The following ADCY3 variants were observed in gnomAD, a reference collection of about 807,000 sequenced individuals.
The protein encoded by ADCY3 is adenylate cyclase type 3.
A neutral mutation model predicts 119.4 loss-of-function variants in ADCY3; 70 were observed. The observed-to-expected ratio is 0.59, with a 90% CI of 0.48 to 0.72. The LOEUF is 0.72. Ranked by LOEUF, ADCY3 falls within the 30% of genes least tolerant of loss-of-function variation. ADCY3 has a pLI of 0.00. For synonymous variants in ADCY3, 672 were observed against 621.4 expected, an observed-to-expected ratio of 1.08 and a Z score of -1.21; for missense variants, 1,238 against 1,541.6, an observed-to-expected ratio of 0.80 and a Z score of 3.30.
chr2:24,856,640 A>T (rs1415076414), intron 3 of ADCY3, among the ~76,000 whole-genome samples: 1 of 152,176 alleles, frequency 6.6e-6, no homozygotes, highest in Non-Finnish European at 1.5e-5. Context: ...CAATGTGTGA[A>T]ATCTGGAAAC....
rs115613183 is a variant in ADCY3 at position 24,826,932 on chromosome 2, T to C, written c.2495+614A>G. ...ATTGTACTTGATATTGTCAGAGTTA[T>C]CTGGACCGGTACGTGTGTGATGGTA... On this transcript the variant is annotated intron_variant, in intron 15 of 21. Coordinates refer to ENST00000679454, the MANE Select transcript of ADCY3 (RefSeq NM_004036.5). Among the ~76,000 whole-genome samples, 944 of 152,366 alleles carry C rather than the reference T, an allele frequency of 6.2e-3. 3 individuals carry two copies. The highest frequency in any genetic ancestry group is 9.3e-3 in the Non-Finnish European group (632 of 68,032).
At chr2:24,833,533 T>C (rs1384646245) in intron 11 of ADCY3, among the ~76,000 whole-genome samples, 4 of 152,258 alleles carry the variant, frequency 2.6e-5, no homozygotes, top group Non-Finnish European at 5.9e-5. Context: ...CTTCCTTGCC[T>C]TCCCTGTGTC....
rs1353004797 is a variant in ADCY3, at chr2:24,819,217, T to TACCTGTAAATTCTCTTA, written c.*698_*714dup. 3.3e-5 allele frequency: 5 copies of TACCTGTAAATTCTCTTA among 152,634 alleles called. No individual in the cohort carries two copies. The highest frequency in any genetic ancestry group is 2.6e-4 in the Admixed American group (4 of 15,288). 9.5% of individuals were successfully genotyped at this position (152,634 alleles called of 1,614,324 possible). A position where few individuals can be genotyped will look rare whatever the true frequency, so the allele number is the denominator to read the frequency against. ...ATAAAACAGTCTTGTTCTTTATCAATACCTGTAAATTCTCTTAAAGCAGTA... is the reference window on the plus strand; with the variant it reads ...ATAAAACAGTCTTGTTCTTTATCAATACCTGTAAATTCTCTTAACCTGTAAATTCTCTTAAAGCAGTA... On this transcript the variant is annotated 3_prime_UTR_variant, in exon 22 of 22. Transcript: ENST00000679454.
rs1184684816 is a variant in ADCY3 at position 24,820,744 on chromosome 2, C to T, written c.3232G>A (p.Gly1078Arg). ...VNVASRMEST[G>R]VMGNIQVVEE... ...CATACCTGAATGTTGCCCATGACCCCCGTGGACTCCATCCTGCTGGCTACA... is the reference window on the plus strand; with the variant it reads ...CATACCTGAATGTTGCCCATGACCCTCGTGGACTCCATCCTGCTGGCTACA... The change falls in exon 21 of 22, where the codon GGG becomes AGG. Residue 1078 changes from glycine to arginine, a missense_variant. Physicochemically the swap from Gly to Arg is moderately radical, Grantham distance 125. Around this residue, in one of 7 missense-constraint regions of ADCY3, gnomAD observed 43 missense variants for 77.0 expected, o/e 0.56. Coordinates refer to ENST00000679454, the MANE Select transcript of ADCY3 (RefSeq NM_004036.5). 1 of 1,614,004 alleles carries T rather than the reference C, an allele frequency of 6.2e-7. No homozygotes were observed. The highest frequency in any genetic ancestry group is 2.2e-5 in the East Asian group (1 of 44,890).
chr2:24,850,818 T>A (rs1672200282), intron 3 of ADCY3, among the ~76,000 whole-genome samples: 1 of 152,178 alleles, frequency 6.6e-6, no homozygotes, highest in African/African-American at 2.4e-5. Flanking sequence ...AGAATGACCA[T>A]AATGAAACAA....
rs190127922 is a variant in ADCY3 at position 24,830,201 on chromosome 2, T to A, written c.2172+508A>T. Among the ~76,000 whole-genome samples, 7 of 151,296 alleles carry A rather than the reference T, an allele frequency of 4.6e-5. No homozygotes were observed. In the East Asian group the frequency reaches 1.4e-3, roughly 29 times the overall value. Reference sequence around the variant, plus strand: ...GATTACAGGTGTGCACCACCATGCCTGGCTAATTTTTGTATTTTTAGTACA... The same window carrying A: ...GATTACAGGTGTGCACCACCATGCCAGGCTAATTTTTGTATTTTTAGTACA... On this transcript the variant is annotated intron_variant, in intron 13 of 21. Transcript: ENST00000679454.
At chr2:24,861,939 C>T (rs1203229291) in intron 3 of ADCY3, among the ~76,000 whole-genome samples, 1 of 152,216 alleles carries the variant, frequency 6.6e-6, no homozygotes, top group Non-Finnish European at 1.5e-5. Flanking sequence ...AAACTATCCC[C>T]TAACAATGGT....
In ADCY3 at chr2:24,819,995, C is replaced by T. The variant is rs1327801148; in HGVS notation, c.3372G>A (p.Lys1124=). Residue 1124 remains lysine, a synonymous_variant, in exon 22 of 22, where the codon AAG becomes AAA. Coordinates refer to ENST00000679454, the MANE Select transcript of ADCY3 (RefSeq NM_004036.5). ...LLTFFLKGRD[K]LATFPNGPSV... is the part of the protein sequence containing the mutation. ...AGGGGCCATTGGGGAAGGTGGCTAG[C>T]TTATCCCGCCCCTTCAAGAAGAAGG... is the stretch of plus-strand genomic sequence containing the variant. The T allele has an allele frequency of 3.1e-6, 5 of 1,613,340 alleles. No individual in the cohort carries two copies. In the South Asian group the frequency reaches 5.5e-5, roughly 18 times the overall value.
Position 24,824,499 on chromosome 2 carries a change from A to G in ADCY3, c.2615T>C (p.Ile872Thr), listed in dbSNP as rs760462078. 1.3e-5 allele frequency: 21 copies of G among 1,614,048 alleles called. No individual in the cohort carries two copies. The highest frequency in any genetic ancestry group is 5.3e-5 in the African/African-American group (4 of 74,924). ...ACGTTCCTTCTGGTCGTGGACCTCA[A>G]TCTTCCACAAGAAAAGTGTCCGTGC... ...KLARTLFLWK[I>T]EVHDQKERVY... Residue 872 changes from isoleucine (I) to threonine (T), a missense_variant, in exon 17 of 22, where the codon ATT (isoleucine) becomes ACT (threonine). Around this residue, in one of 7 missense-constraint regions of ADCY3, gnomAD observed 499 missense variants for 571.0 expected, o/e 0.87. Transcript: ENST00000679454.
chr2:24,838,970 TC>T, intron 7 of ADCY3: 13 of 1,224,810 alleles, frequency 1.1e-5, no homozygotes, highest in East Asian at 4.4e-5. Context: ...TGAGACAGAG[TC>T]TTGTTCTGTC....
chr2:24,850,544 C>T lies in ADCY3; in HGVS notation c.826-8160G>A, dbSNP rs571284014. ...GATCAATGTGGCTTGGTCTCCCCAGCGTGGAAGCAGAGCCTGCTCTTCCAA... is the reference window on the plus strand; with the variant it reads ...GATCAATGTGGCTTGGTCTCCCCAGTGTGGAAGCAGAGCCTGCTCTTCCAA... On this transcript the variant is annotated intron_variant, in intron 3 of 21. Transcript: ENST00000679454. Among the ~76,000 whole-genome samples, 67 of 152,214 alleles carry T rather than the reference C, an allele frequency of 4.4e-4. 1 individual carries two copies. The South Asian group carries it at 0.013, about 29-fold the overall frequency.
rs1247477158 is a variant in ADCY3 at position 24,830,102 on chromosome 2, T to G, written c.2172+607A>C. ...GTCGCCTAGGCTGGAGTGCAGCGGCTCAATCTCGGCTCACTGCAACCTCCG... is the reference window on the plus strand; with the variant it reads ...GTCGCCTAGGCTGGAGTGCAGCGGCGCAATCTCGGCTCACTGCAACCTCCG... On this transcript the variant is annotated intron_variant, in intron 13 of 21. Coordinates refer to ENST00000679454, the MANE Select transcript of ADCY3 (RefSeq NM_004036.5). Among the ~76,000 whole-genome samples the G allele has an allele frequency of 3.4e-5, 5 of 145,842 alleles. No individual in the cohort carries two copies. The East Asian group carries it at 1.0e-3, about 29-fold the overall frequency.
intron 21 of ADCY3, chr2:24,820,320 C>A: frequency 3.0e-6 from 4 of 1,312,360 alleles, no homozygotes; most frequent in Non-Finnish European, 3.9e-6. Context: ...GGCTGGGGGC[C>A]TCCTCTCATC....
intron 2 of ADCY3, among the ~76,000 whole-genome samples, chr2:24,881,044 T>C (rs887509763): frequency 6.6e-6 from 1 of 151,362 alleles, no homozygotes; most frequent in Admixed American, 6.6e-5. Context: ...CCTTCCTTCC[T>C]GCTGGCTTTG....
chr2:24,873,629 T>C (rs1201370928), intron 2 of ADCY3, among the ~76,000 whole-genome samples: 1 of 152,192 alleles, frequency 6.6e-6, no homozygotes, highest in Admixed American at 6.5e-5. Context: ...GCCTGGCTGC[T>C]GCTACTCCAA....
At chr2:24,913,426 G>A (rs1664046691) in intron 2 of ADCY3, among the ~76,000 whole-genome samples, 1 of 152,158 alleles carries the variant, frequency 6.6e-6, no homozygotes, top group Admixed American at 6.5e-5. Flanking sequence ...AAGACATTTG[G>A]GGGCAGCCAG....
At chr2:24,856,960 C>T (rs902707600) in intron 3 of ADCY3, among the ~76,000 whole-genome samples, 1 of 152,214 alleles carries the variant, frequency 6.6e-6, no homozygotes, top group African/African-American at 2.4e-5. Flanking sequence ...ACAAGGCCTC[C>T]AGCATGAGAA....
intron 3 of ADCY3, among the ~76,000 whole-genome samples, chr2:24,858,776 A>G (rs1393999098): frequency 6.6e-6 from 1 of 152,260 alleles, no homozygotes. Context: ...AGCCCAGCTC[A>G]GAGGCCACAC....
intron 3 of ADCY3, among the ~76,000 whole-genome samples, chr2:24,868,930 T>C (rs888168965): frequency 6.6e-6 from 1 of 150,834 alleles, no homozygotes; most frequent in Non-Finnish European, 1.5e-5. Flanking sequence ...AGGCTGAGGC[T>C]GGAGAATGGC....
Sources: gnomAD v4.1 joint callset for allele counts (sites outside exome capture counted in the v4.1 genomes callset) on GRCh38, gnomAD v4.1.1 for gene constraint, gnomAD v4.1.1 regional missense constraint, MANE v1.5 for transcripts, NCBI Gene and HGNC (gene_info 2026-07-23, HGNC 2026-07-21) for gene names.